The following PPP2R1B variants were observed in gnomAD, a reference collection of about 807,000 sequenced individuals.
The protein encoded by PPP2R1B is serine/threonine-protein phosphatase 2A 65 kDa regulatory subunit A beta isoform.
In PPP2R1B, 58 loss-of-function variants were observed where a neutral mutation model predicts 72.7. The observed-to-expected ratio is 0.80, with a 90% CI of 0.65 to 0.99. The LOEUF is 0.99. Among genes scored for constraint, PPP2R1B ranks in the 50% least tolerant of loss-of-function variants. The pLI, the probability that PPP2R1B is intolerant of heterozygous loss-of-function variation, is 0.00. For synonymous variants in PPP2R1B, 256 were observed against 264.6 expected, an observed-to-expected ratio of 0.97 and a Z score of 0.32; for missense variants, 695 against 733.6, an observed-to-expected ratio of 0.95 and a Z score of 0.61.
the PPP2R1B span, among the ~76,000 whole-genome samples, chr11:111,696,767 G>A: frequency 2.0e-5 from 3 of 152,190 alleles, no homozygotes; most frequent in African/African-American, 7.2e-5. Flanking sequence ...ACATGTGTAT[G>A]GAATGCTGAT....
At chr11:111,735,034 G>A (rs2136019563), downstream of PPP2R1B, among the ~76,000 whole-genome samples, 1 of 152,358 alleles carries the variant, frequency 6.6e-6, no homozygotes, top group South Asian at 2.1e-4. Context: ...GAGACCCTCA[G>A]GGCCCAAGGG....
At position 111,739,777 on chromosome 11, in the gene PPP2R1B, T is replaced by C; in HGVS notation, c.*1819A>G. On this transcript the variant is annotated 3_prime_UTR_variant, in exon 15 of 15. Transcript: ENST00000527614. ...AACAAAAAATAAAGACTCATGAAAC[T>C]AAAATTAAAATGTTTACAGAATAAT... 1.0e-6 allele frequency: 1 copy of C among 970,212 alleles called. No individual in the cohort carries two copies. The highest frequency in any genetic ancestry group is 1.2e-6 in the Non-Finnish European group (1 of 816,180). 60.1% of individuals were successfully genotyped at this position (970,212 alleles called of 1,614,324 possible). A position where few individuals can be genotyped will look rare whatever the true frequency, so the allele number is the denominator to read the frequency against.
At chr11:111,704,305 C>G in the PPP2R1B span, among the ~76,000 whole-genome samples, 2 of 152,158 alleles carry the variant, frequency 1.3e-5, no homozygotes, top group African/African-American at 4.8e-5. Context: ...GCACCCATGC[C>G]GACTGTCAGG....
At chr11:111,729,218 ATCT>A in intron 15 of PPP2R1B, 1 of 152,344 alleles carries the variant, frequency 6.6e-6, no homozygotes, top group African/African-American at 2.4e-5. Flanking sequence ...TTGTGTCCAC[ATCT>A]TCTCCAGGCA....
chr11:111,755,163 T>A (rs1945056272), intron 6 of PPP2R1B, 69 bp from the exon 7 acceptor site: 1 of 1,539,416 alleles, frequency 6.5e-7, no homozygotes, highest in East Asian at 2.3e-5. Context: ...AACAAAATTG[T>A]GCAATCTGTA....
At chr11:111,703,245 C>T in the PPP2R1B span, 1 of 1,614,152 alleles carries the variant, frequency 6.2e-7, no homozygotes, top group Non-Finnish European at 8.5e-7. Context: ...CTAGACCCAT[C>T]CAAACGGCTA....
chr11:111,757,041 G>C (rs1336499818), intron 5 of PPP2R1B, among the ~76,000 whole-genome samples: 1 of 151,560 alleles, frequency 6.6e-6, no homozygotes, highest in African/African-American at 2.4e-5. Flanking sequence ...TTGAACCCAG[G>C]AGGCAGAGGC....
chr11:111,764,748 G>GT, intron 3 of PPP2R1B, 57 bp downstream of exon 3: 2 of 1,542,916 alleles, frequency 1.3e-6, no homozygotes, highest in Non-Finnish European at 8.9e-7. Flanking sequence ...ACCAAACAAT[G>GT]TATCATTTAT....
chr11:111,746,892 T>A (rs1405466253), intron 11 of PPP2R1B, among the ~76,000 whole-genome samples: 4 of 152,224 alleles, frequency 2.6e-5, no homozygotes, highest in Non-Finnish European at 5.9e-5. Flanking sequence ...TAAGCCCTTA[T>A]ACATTTTCAC....
chr11:111,759,735 C>G (rs551866416), intron 5 of PPP2R1B, 69 bp downstream of exon 5: 10 of 1,478,552 alleles, frequency 6.8e-6, no homozygotes, highest in Admixed American at 2.3e-5. Context: ...TAAAACTCCC[C>G]AAAGAAATTC....
the PPP2R1B span, chr11:111,720,379 C>A: frequency 8.2e-7 from 1 of 1,215,080 alleles, no homozygotes; most frequent in Non-Finnish European, 1.1e-6. Context: ...AAATTAAGGA[C>A]ATGGTAGCTG....
chr11:111,735,728 T>C (rs1018560712), downstream of PPP2R1B, among the ~76,000 whole-genome samples: 2 of 152,182 alleles, frequency 1.3e-5, no homozygotes, highest in East Asian at 3.8e-4. Flanking sequence ...TGAGGCTGGC[T>C]GAGAACTGAC....
chr11:111,742,318 A>AT, intron 13 of PPP2R1B, 174 bp from the exon 14 acceptor site: 2 of 616,858 alleles, frequency 3.2e-6, no homozygotes, highest in Non-Finnish European at 2.4e-6. Flanking sequence ...AATCAGCTTC[A>AT]GACAAGGATC....
chr11:111,753,144 A>T (rs1225070302), intron 9 of PPP2R1B, among the ~76,000 whole-genome samples: 1 of 152,208 alleles, frequency 6.6e-6, no homozygotes, highest in African/African-American at 2.4e-5. Flanking sequence ...TTTAAACTTA[A>T]ATAAATGAAA....
At chr11:111,720,460 TTC>T in the PPP2R1B span, 3 of 1,582,016 alleles carry the variant, frequency 1.9e-6, no homozygotes, top group Non-Finnish European at 2.6e-6. Flanking sequence ...GTTTTATCTG[TTC>T]TGTTTTCTCT....
chr11:111,760,762 C>T, intron 4 of PPP2R1B, 57 bp downstream of exon 4: 2 of 1,485,724 alleles, frequency 1.3e-6, no homozygotes, highest in East Asian at 2.4e-5. Context: ...TCCCAAATAA[C>T]TCATAGCTTA....
the PPP2R1B span, chr11:111,701,707 A>G: frequency 4.2e-6 from 5 of 1,193,354 alleles, 1 homozygote; most frequent in South Asian, 5.3e-5. The surrounding 1 kb of genome is among the most constrained non-coding windows in gnomAD (Gnocchi z 4.2). Context: ...GTTAAAAGCT[A>G]TAGAAAGAAG....
the PPP2R1B span, among the ~76,000 whole-genome samples, chr11:111,702,802 G>A: frequency 6.6e-6 from 1 of 152,174 alleles, no homozygotes. Flanking sequence ...CAGCCCGTTG[G>A]AGAGCTCTTT....
chr11:111,765,807 C>G (rs180889475), intron 1 of PPP2R1B: 9 of 473,732 alleles, frequency 1.9e-5, no homozygotes. Context: ...CCCAACAAGC[C>G]GAGCCAGTTC....
Sources: gnomAD v4.1 joint callset for allele counts (sites outside exome capture counted in the v4.1 genomes callset) on GRCh38, gnomAD v4.1.1 for gene constraint, Gnocchi (gnomAD v3.1) non-coding constraint, MANE v1.5 for transcripts, NCBI Gene and HGNC (gene_info 2026-07-23, HGNC 2026-07-21) for gene names.